PDE11A: variants seen among roughly 807,000 people sequenced by gnomAD.
The protein encoded by PDE11A is dual 3',5'-cyclic-AMP and -GMP phosphodiesterase 11A.
PDE11A carries 100 observed loss-of-function variants against 100.5 expected under a neutral mutation model. The ratio of observed to expected loss-of-function variants is 1.00; its 90% CI spans 0.85 to 1.18. The LOEUF is 1.18. Among genes scored for constraint, PDE11A ranks in the 50% most tolerant of loss-of-function variants. The pLI, the probability that PDE11A is intolerant of heterozygous loss-of-function variation, is 0.00. For synonymous variants in PDE11A, 381 were observed against 420.8 expected (o/e 0.91, Z 1.16); for missense variants, 1,141 against 1,152.6 (o/e 0.99, Z 0.15).
chr2:177,791,135 C>T (rs1354115511), intron 9 of PDE11A, among the ~76,000 whole-genome samples: 1 of 151,988 alleles, frequency 6.6e-6, no homozygotes, highest in African/African-American at 2.4e-5. Context: ...TTGGAACCAA[C>T]CCAAATGTCC....
At chr2:177,712,790 G>A in intron 12 of PDE11A, among the ~76,000 whole-genome samples, 1 of 152,124 alleles carries the variant, frequency 6.6e-6, no homozygotes, top group East Asian at 1.9e-4. Context: ...TACTTTGTAA[G>A]TCTCCCATTT....
intron 2 of PDE11A, among the ~76,000 whole-genome samples, chr2:178,101,692 TATA>T (rs968700986): frequency 1.3e-5 from 2 of 152,142 alleles, no homozygotes; most frequent in African/African-American, 4.8e-5. Context: ...AGGGGCCAAC[TATA>T]ATAACAAACA....
At chr2:177,928,517 CAG>C (rs144037679) in intron 2 of PDE11A, among the ~76,000 whole-genome samples, 12 of 150,642 alleles carry the variant, frequency 8.0e-5, no homozygotes, top group Admixed American at 4.6e-4. Flanking sequence ...GAAAGAGAGA[CAG>C]AGAGAGAGAG....
chr2:178,084,413 A>G (rs1353936369), intron 2 of PDE11A, among the ~76,000 whole-genome samples: 1 of 152,218 alleles, frequency 6.6e-6, no homozygotes, highest in Non-Finnish European at 1.5e-5. Flanking sequence ...AAATTGCACA[A>G]TAATTTGATC....
intron 4 of PDE11A, among the ~76,000 whole-genome samples, chr2:177,883,197 A>T (rs2084373789): frequency 6.6e-6 from 1 of 151,972 alleles, no homozygotes; most frequent in Admixed American, 6.6e-5. Flanking sequence ...TGAATCTGGG[A>T]AGTGGAGGCT....
chr2:177,633,427 A>G (rs74381224), intron 19 of PDE11A, among the ~76,000 whole-genome samples: 7 of 152,220 alleles, frequency 4.6e-5, no homozygotes, highest in African/African-American at 1.7e-4. Context: ...GAGTTATATG[A>G]ATATGAGTAA....
chr2:177,960,640 A>T (rs1321390333), intron 2 of PDE11A, among the ~76,000 whole-genome samples: 1 of 152,032 alleles, frequency 6.6e-6, no homozygotes, highest in Non-Finnish European at 1.5e-5. Context: ...AATTGTCTAA[A>T]ACAGAAAAGC....
At chr2:177,980,322 A>G (rs910216178) in intron 2 of PDE11A, among the ~76,000 whole-genome samples, 1 of 151,070 alleles carries the variant, frequency 6.6e-6, no homozygotes, top group Non-Finnish European at 1.5e-5. Flanking sequence ...TGTATTGTGT[A>G]ACTATTGGTC....
chr2:177,679,816 A>T (rs2105504164), intron 16 of PDE11A, among the ~76,000 whole-genome samples: 1 of 152,184 alleles, frequency 6.6e-6, no homozygotes, highest in African/African-American at 2.4e-5. Flanking sequence ...CATGATTGAT[A>T]GAGCCAGGTT....
rs147598714 is a variant in PDE11A at position 177,981,124 on chromosome 2, T to C, written c.1071+33178A>G. Among the ~76,000 whole-genome samples the C allele has an allele frequency of 9.6e-3, 1,444 of 150,782 alleles. 45 individuals are homozygous for C. Among genetic ancestry groups the C allele is most frequent in the African/African-American group, 0.033 (1,383 of 41,446 alleles). On this transcript the variant is annotated intron_variant, in intron 2 of 19. Transcript: ENST00000286063. ...CTTAACCTCCAGTAAGCTAGTTATC[T>C]TGACTTGTTAGTATCTTGGGAAGAT... is the stretch of plus-strand genomic sequence containing the variant.
chr2:177,723,662 T>C (rs1364856540), intron 12 of PDE11A, among the ~76,000 whole-genome samples: 1 of 152,168 alleles, frequency 6.6e-6, no homozygotes, highest in Non-Finnish European at 1.5e-5. Context: ...TACCCTAAAC[T>C]AAATTCACTC....
intron 12 of PDE11A, among the ~76,000 whole-genome samples, chr2:177,724,804 A>C (rs1574081188): frequency 6.8e-6 from 1 of 147,688 alleles, no homozygotes; most frequent in South Asian, 2.1e-4. Context: ...AAGGTGGGTA[A>C]GGTTTTTTCC....
At chr2:177,682,379 G>C (rs112409669) in intron 15 of PDE11A, among the ~76,000 whole-genome samples, 1 of 152,298 alleles carries the variant, frequency 6.6e-6, no homozygotes, top group Non-Finnish European at 1.5e-5. Context: ...AGGACTTGCT[G>C]AGTCTATGTC....
chr2:177,902,192 T>C (rs1053779651), intron 3 of PDE11A, among the ~76,000 whole-genome samples: 2 of 152,210 alleles, frequency 1.3e-5, no homozygotes, highest in African/African-American at 2.4e-5. Context: ...CATTCCACCA[T>C]TGTGATTTGT....
At chr2:178,028,657 C>G (rs142714143) in intron 1 of PDE11A, among the ~76,000 whole-genome samples, 1 of 152,166 alleles carries the variant, frequency 6.6e-6, no homozygotes, top group East Asian at 1.9e-4. Flanking sequence ...ATGTCATTTT[C>G]TTAGCCAGCT....
chr2:177,860,231 A>G lies in PDE11A; in HGVS notation c.1367+15628T>C, dbSNP rs552073175. Reference sequence around the variant, plus strand: ...TTTAGCTAGTTTTGCCAAAAAAAAAAAGAGAGAAGTCTCAAATCACTAAGA... The same window carrying G: ...TTTAGCTAGTTTTGCCAAAAAAAAAGAGAGAGAAGTCTCAAATCACTAAGA... On this transcript the variant is annotated intron_variant, in intron 5 of 19. Coordinates refer to ENST00000286063, the MANE Select transcript of PDE11A (RefSeq NM_016953.4). 8.2e-4 allele frequency among the ~76,000 whole-genome samples: 124 copies of G among 151,872 alleles called. 2 individuals carry two copies. In the South Asian group the frequency reaches 0.024, roughly 30 times the overall value.
intron 1 of PDE11A, among the ~76,000 whole-genome samples, chr2:178,047,091 T>C (rs1473513638): frequency 2.0e-5 from 3 of 152,006 alleles, no homozygotes; most frequent in East Asian, 1.9e-4. Flanking sequence ...TATGACATGA[T>C]AGTTGTCTAT....
At chr2:177,704,424 C>A (rs979157308) in intron 13 of PDE11A, among the ~76,000 whole-genome samples, 1 of 151,510 alleles carries the variant, frequency 6.6e-6, no homozygotes, top group Non-Finnish European at 1.5e-5. Flanking sequence ...TTAGATTTGG[C>A]CCCTGGCAGA....
At chr2:177,833,429 T>C (rs768803584) in intron 6 of PDE11A, among the ~76,000 whole-genome samples, 6 of 152,184 alleles carry the variant, frequency 3.9e-5, no homozygotes, top group Non-Finnish European at 8.8e-5. Context: ...AAGAATGTGG[T>C]GACTCTGTTG....
Sources: allele counts gnomAD v4.1 joint callset (sites outside exome capture counted in the v4.1 genomes callset), GRCh38; gene constraint gnomAD v4.1.1; transcripts MANE v1.5; gene names NCBI Gene and HGNC (gene_info 2026-07-23, HGNC 2026-07-21).